The following PHACTR3 variants were observed in gnomAD, a reference collection of about 807,000 sequenced individuals.
PHACTR3 encodes protein phosphatase 1, regulatory subunit 123.
Under a neutral mutation model 66.8 loss-of-function variants are expected in PHACTR3, and 16 were observed. That is an observed-to-expected ratio of 0.24 (90% CI 0.16 to 0.36). The LOEUF (loss-of-function observed/expected upper bound fraction) is 0.36, where lower values mean the gene tolerates loss of function less well. Among genes scored for constraint, PHACTR3 ranks in the 10% least tolerant of loss-of-function variants. The pLI is 1.00. For missense variants in PHACTR3, 647 were observed against 719.9 expected (o/e 0.90, Z 1.16); for synonymous variants, 323 against 292.1 (o/e 1.11, Z -1.08).
intron 8 of PHACTR3, among the ~76,000 whole-genome samples, chr20:59,806,750 G>A (rs895736015): frequency 6.6e-6 from 1 of 152,154 alleles, no homozygotes; most frequent in African/African-American, 2.4e-5. Flanking sequence ...TTGTTGTTGT[G>A]GGAACATCAC....
At chr20:59,639,800 C>G (rs1406840483) in intron 1 of PHACTR3, among the ~76,000 whole-genome samples, 1 of 152,184 alleles carries the variant, frequency 6.6e-6, no homozygotes, top group South Asian at 2.1e-4. Context: ...TTCCATTTTA[C>G]TACCTTCATT....
At chr20:59,770,415 AG>A (rs1466478185) in intron 5 of PHACTR3, among the ~76,000 whole-genome samples, 1 of 152,208 alleles carries the variant, frequency 6.6e-6, no homozygotes, top group Non-Finnish European at 1.5e-5. Context: ...ATGGTAGCAA[AG>A]AAGAAAGTCT....
upstream of PHACTR3, among the ~76,000 whole-genome samples, chr20:59,600,260 C>T (rs952906119): frequency 6.6e-6 from 1 of 152,204 alleles, no homozygotes; most frequent in Non-Finnish European, 1.5e-5. Flanking sequence ...GCATGCTGCA[C>T]TCTGTACTCA....
chr20:59,729,204 G>A (rs937845138), intron 1 of PHACTR3, among the ~76,000 whole-genome samples: 13 of 152,124 alleles, frequency 8.5e-5, no homozygotes, highest in Admixed American at 2.0e-4. Context: ...AGGGCATTGC[G>A]GGAACCTGGG....
At chr20:59,712,461 T>G (rs1401835811) in intron 1 of PHACTR3, among the ~76,000 whole-genome samples, 1 of 152,188 alleles carries the variant, frequency 6.6e-6, no homozygotes, top group Non-Finnish European at 1.5e-5. Context: ...ATACTCTTCC[T>G]TGTCATTTTT....
intron 8 of PHACTR3, among the ~76,000 whole-genome samples, chr20:59,808,737 A>G (rs2041643256): frequency 6.6e-6 from 1 of 152,082 alleles, no homozygotes; most frequent in Admixed American, 6.5e-5. Context: ...GAGAATCTGC[A>G]TTTCTAGCAA....
At chr20:59,795,273 T>C (rs2041219302) in intron 7 of PHACTR3, among the ~76,000 whole-genome samples, 1 of 151,854 alleles carries the variant, frequency 6.6e-6, no homozygotes, top group East Asian at 1.9e-4. Flanking sequence ...GATGTTTTAT[T>C]TCCTCATATT....
chr20:59,698,810 A>G (rs1373255989), intron 1 of PHACTR3, among the ~76,000 whole-genome samples: 1 of 152,194 alleles, frequency 6.6e-6, no homozygotes, highest in Non-Finnish European at 1.5e-5. Flanking sequence ...CTAGTTCTCT[A>G]CCAGGCACAC....
chr20:59,589,312 C>T (rs2033123806), intron 1 of PHACTR3, among the ~76,000 whole-genome samples: 1 of 152,156 alleles, frequency 6.6e-6, no homozygotes, highest in African/African-American at 2.4e-5. Flanking sequence ...ATGCGAAATC[C>T]CGATGGACCC....
At chr20:59,708,847 G>A (rs1568732542) in intron 1 of PHACTR3, among the ~76,000 whole-genome samples, 1 of 152,182 alleles carries the variant, frequency 6.6e-6, no homozygotes, top group African/African-American at 2.4e-5. Flanking sequence ...GAAAAGGGAC[G>A]ATGAACTGTC....
intron 4 of PHACTR3, among the ~76,000 whole-genome samples, chr20:59,756,132 A>C (rs1485931611): frequency 6.6e-6 from 1 of 152,128 alleles, no homozygotes; most frequent in East Asian, 1.9e-4. Flanking sequence ...GGGAGGAAGG[A>C]TAGAGGGGAG....
chr20:59,590,237 G>A (rs141952593), intron 1 of PHACTR3, among the ~76,000 whole-genome samples: 12 of 152,350 alleles, frequency 7.9e-5, no homozygotes, highest in East Asian at 1.9e-4. Flanking sequence ...CAAGGAAGCC[G>A]CTGAGTGCTA....
intron 1 of PHACTR3, among the ~76,000 whole-genome samples, chr20:59,713,191 A>G (rs1051798058): frequency 1.3e-5 from 2 of 152,246 alleles, no homozygotes; most frequent in Admixed American, 1.3e-4. Context: ...ATGAGGGTCC[A>G]CAGAGGCCCA....
intron 1 of PHACTR3, among the ~76,000 whole-genome samples, chr20:59,638,572 G>GGTGGGTGC: frequency 7.7e-6 from 1 of 129,912 alleles, no homozygotes; most frequent in South Asian, 2.8e-4. Flanking sequence ...TGGGTGGGTG[G>GGTGGGTGC]GTGCGTGAGT....
At chr20:59,714,026 AT>A (rs1334436795) in intron 1 of PHACTR3, among the ~76,000 whole-genome samples, 4 of 151,562 alleles carry the variant, frequency 2.6e-5, no homozygotes, top group Non-Finnish European at 5.9e-5. Flanking sequence ...GCTCCTTTTT[AT>A]TTTTTCATGG....
intron 1 of PHACTR3, among the ~76,000 whole-genome samples, chr20:59,648,160 G>A (rs1419463773): frequency 1.3e-5 from 2 of 152,170 alleles, no homozygotes; most frequent in African/African-American, 2.4e-5. Context: ...TTGGCTTCAG[G>A]CCCATTGACC....
intron 8 of PHACTR3, among the ~76,000 whole-genome samples, chr20:59,815,892 G>T (rs2041874547): frequency 6.6e-6 from 1 of 152,140 alleles, no homozygotes; most frequent in African/African-American, 2.4e-5. Context: ...AGCCACCATT[G>T]TCTAGAGCAG....
intron 5 of PHACTR3, among the ~76,000 whole-genome samples, chr20:59,767,650 T>C (rs1159083115): frequency 1.3e-5 from 2 of 152,218 alleles, no homozygotes; most frequent in African/African-American, 4.8e-5. Context: ...AGGAGTAGAC[T>C]GCCTAGGCTC....
At chr20:59,806,914 A>G (rs2041589243) in intron 8 of PHACTR3, among the ~76,000 whole-genome samples, 1 of 152,258 alleles carries the variant, frequency 6.6e-6, no homozygotes, top group Non-Finnish European at 1.5e-5. Context: ...ACATTTCTCA[A>G]CATAGAAAAG....
Sources: gnomAD v4.1 joint callset for allele counts (sites outside exome capture counted in the v4.1 genomes callset) on GRCh38, gnomAD v4.1.1 for gene constraint, MANE v1.5 for transcripts, NCBI Gene and HGNC (gene_info 2026-07-23, HGNC 2026-07-21) for gene names.